The following TNK2 variants were observed in gnomAD, a reference collection of about 807,000 sequenced individuals.
TNK2 encodes the protein tyrosine kinase non receptor 2.
Under a neutral mutation model 101.8 loss-of-function variants are expected in TNK2, and 83 were observed. The observed-to-expected ratio is 0.82, with a 90% CI of 0.68 to 0.98. The LOEUF is 0.98. TNK2 is among the 50% of genes least tolerant of loss of function. The pLI, the probability that TNK2 is intolerant of heterozygous loss-of-function variation, is 0.00. For missense variants in TNK2, 1,665 were observed against 1,483.2 expected (o/e 1.12, Z -2.01); for synonymous variants, 804 against 633.0 (o/e 1.27, Z -4.06).
chr3:195,885,802 T>G lies in TNK2; in HGVS notation c.235-769A>C. ...CTGGCCACGTCGGTCTGACTCGGCC[T>G]CCACTGAGGCACCCACAGCCTTGGC... is the stretch of plus-strand genomic sequence containing the variant. On this transcript the variant is annotated intron_variant, in intron 3 of 15. Transcript: ENST00000672887. This position sits in a 1 kb window ranked among gnomAD's most constrained non-coding sequence, Gnocchi z 4.7. The G allele has an allele frequency of 2.9e-6, 1 of 341,324 alleles. No homozygotes were observed. The highest frequency in any genetic ancestry group is 2.2e-5 in the South Asian group (1 of 44,696). 21.1% of individuals were successfully genotyped at this position (341,324 alleles called of 1,614,324 possible). A position where few individuals can be genotyped will look rare whatever the true frequency, so the allele number is the denominator to read the frequency against.
At chr3:195,892,125 C>T in intron 1 of TNK2, 1 of 596,120 alleles carries the variant, frequency 1.7e-6, no homozygotes. Flanking sequence ...GCTGCAGCTC[C>T]TCCAGAGTTC....
chr3:195,868,443 G>T lies in TNK2; in HGVS notation c.1855C>A (p.Pro619Thr), dbSNP rs1323377600. The T allele has an allele frequency of 1.9e-6, 3 of 1,566,122 alleles. No homozygotes were observed. In the East Asian group the frequency reaches 6.8e-5, roughly 36 times the overall value. ...AGTGCCCGCGTGGGGCTCTGAGGCGGGGTCTCGTCCAGCAGGGAGCAGGCG... is the reference window on the plus strand; with the variant it reads ...AGTGCCCGCGTGGGGCTCTGAGGCGTGGTCTCGTCCAGCAGGGAGCAGGCG... ...MDACSLLDETPPQSPTRALPR... is the reference protein window; with the variant it reads ...MDACSLLDETTPQSPTRALPR... The change falls in exon 13 of 16, where the codon CCG (proline) becomes ACG (threonine). Residue 619 changes from proline to threonine, a missense_variant. Pro to Thr is a conservative substitution (Grantham distance 38, BLOSUM62 -1). Coordinates refer to ENST00000672887, the MANE Select transcript of TNK2 (RefSeq NM_001382273.1).
chr3:195,903,109 C>A (rs112897657), intron 1 of TNK2, among the ~76,000 whole-genome samples: 2 of 148,474 alleles, frequency 1.3e-5, no homozygotes, highest in East Asian at 4.1e-4. Context: ...GGCGCCATCT[C>A]GGCTTACTGC....
chr3:195,873,341 G>A (rs985081809), intron 9 of TNK2, among the ~76,000 whole-genome samples: 5 of 152,220 alleles, frequency 3.3e-5, no homozygotes, highest in South Asian at 2.1e-4. Flanking sequence ...CCTGACTCCC[G>A]AAGGCTCTCA....
intron 1 of TNK2, among the ~76,000 whole-genome samples, chr3:195,902,868 G>C (rs1440688990): frequency 2.0e-5 from 3 of 151,654 alleles, no homozygotes; most frequent in African/African-American, 7.3e-5. Context: ...TTGTGCCTCG[G>C]CCTCCCAAGT....
chr3:195,874,496 C>T (rs1009211051), intron 9 of TNK2, among the ~76,000 whole-genome samples: 10 of 151,340 alleles, frequency 6.6e-5, no homozygotes, highest in African/African-American at 2.4e-4. Flanking sequence ...AAGCTCCCCT[C>T]GGGATGGCGC....
intron 1 of TNK2, among the ~76,000 whole-genome samples, chr3:195,893,126 G>A (rs1388525463): frequency 6.6e-6 from 1 of 151,990 alleles, no homozygotes; most frequent in African/African-American, 2.4e-5. Context: ...CACACAGCCT[G>A]AGTGGGAGGC....
intron 15 of TNK2, among the ~76,000 whole-genome samples, chr3:195,864,485 C>T (rs1205145604): frequency 6.9e-6 from 1 of 144,806 alleles, no homozygotes; most frequent in Non-Finnish European, 1.5e-5. Context: ...ACAGGTGACA[C>T]GGAGTGCCTG....
chr3:195,883,390 C>A, intron 4 of TNK2, 81 bp from the exon 5 acceptor site: 1 of 1,542,876 alleles, frequency 6.5e-7, no homozygotes, highest in Non-Finnish European at 8.8e-7. Flanking sequence ...CCCTCCAACT[C>A]GGCTCAACGA....
rs759346611 is a variant in TNK2 at position 195,867,712 on chromosome 3, G to A, written c.2586C>T (p.Ile862=). ...GPRAGPCILP[I]VRDGKKVSST... ...TGCTGACCTTCTTGCCATCCCGGAC[G>A]ATGGGCAGGATGCAGGGACCAGCCC... Residue 862 remains isoleucine, a synonymous_variant, in exon 13 of 16, where the codon ATC becomes ATT. Transcript: ENST00000672887. 1.4e-5 allele frequency: 23 copies of A among 1,606,364 alleles called. No homozygotes were observed. Among genetic ancestry groups the A allele is most frequent in the East Asian group, 4.5e-5 (2 of 44,830 alleles).
chr3:195,884,704 A>T, intron 4 of TNK2, 108 bp downstream of exon 4: 2 of 1,004,292 alleles, frequency 2.0e-6, no homozygotes, highest in Non-Finnish European at 2.9e-6. Context: ...GATGAGCCAC[A>T]CTGTGACGCA....
In TNK2 at chr3:195,868,230, C is replaced by T; in HGVS notation, c.2068G>A (p.Glu690Lys). The T allele has an allele frequency of 6.2e-7, 1 of 1,606,212 alleles. No homozygotes were observed. The highest frequency in any genetic ancestry group is 8.5e-7 in the Non-Finnish European group (1 of 1,179,426). ...AGGGGAGGGGGCGGCCGCGCCTGCTCAGGCACAAAGGCGTAGTTGGTCTGG... is the reference window on the plus strand; with the variant it reads ...AGGGGAGGGGGCGGCCGCGCCTGCTTAGGCACAAAGGCGTAGTTGGTCTGG... ...QGQTNYAFVP[E>K]QARPPPPLED... is the part of the protein sequence containing the mutation. Residue 690 changes from glutamate (E) to lysine (K), a missense_variant, in exon 13 of 16, where the codon GAG (glutamate) becomes AAG (lysine). Physicochemically the swap from Glu to Lys is moderately conservative, Grantham distance 56 (BLOSUM62 1). Coordinates refer to ENST00000672887, the MANE Select transcript of TNK2 (RefSeq NM_001382273.1).
In TNK2 at chr3:195,895,760, G is replaced by A. The variant is rs552159152; in HGVS notation, c.-18-7154C>T. 8.9e-5 allele frequency: 27 copies of A among 302,336 alleles called. No individual in the cohort carries two copies. In the South Asian group the frequency reaches 3.1e-3, roughly 35 times the overall value. 18.7% of individuals were successfully genotyped at this position (302,336 alleles called of 1,614,324 possible). On this transcript the variant is annotated intron_variant, in intron 1 of 15. Transcript: ENST00000672887. ...CCGTATTCACGGTAAGGGGCCATCC[G>A]AGAAGCCCACAGCAGAGGGGCCTCC...
chr3:195,883,103 CAT>C, intron 5 of TNK2, 52 bp downstream of exon 5: 1 of 1,588,774 alleles, frequency 6.3e-7, no homozygotes, highest in East Asian at 2.2e-5. Context: ...CCGAACCACA[CAT>C]ATGGGACCGG....
intron 1 of TNK2, among the ~76,000 whole-genome samples, chr3:195,896,495 T>C (rs1377319275): frequency 1.3e-5 from 2 of 152,306 alleles, no homozygotes; most frequent in Non-Finnish European, 2.9e-5. Context: ...GCTTCTATGC[T>C]GTACAGAAGC....
Position 195,867,762 on chromosome 3 carries a change from G to C in TNK2, c.2536C>G (p.Gln846Glu). 1.3e-6 allele frequency: 2 copies of C among 1,587,980 alleles called. No homozygotes were observed. The highest frequency in any genetic ancestry group is 1.7e-6 in the Non-Finnish European group (2 of 1,168,842). The change falls in exon 13 of 16, where the codon CAG becomes GAG. Residue 846 changes from glutamine to glutamate, a missense_variant. Gln to Glu is a conservative substitution (Grantham distance 29, BLOSUM62 2). This residue lies in a region of TNK2 where 1,136 missense variants were observed against 894.9 expected (regional missense o/e 1.27). Transcript: ENST00000672887. ...FASDPKYATPQVIQAPGPRAG... is the reference protein window; with the variant it reads ...FASDPKYATPEVIQAPGPRAG... ...CGCGGGCCAGGGGCCTGGATCACCT[G>C]GGGGGTGGCGTACTTGGGGTCTGAG...
chr3:195,864,992 C>A (rs1739659551), intron 15 of TNK2, among the ~76,000 whole-genome samples: 1 of 135,788 alleles, frequency 7.4e-6, no homozygotes, highest in African/African-American at 2.8e-5. Context: ...GAGACAGCGA[C>A]AGACAGGTGA....
At chr3:195,897,016 C>A (rs1244251589) in intron 1 of TNK2, among the ~76,000 whole-genome samples, 3 of 152,206 alleles carry the variant, frequency 2.0e-5, no homozygotes, top group Non-Finnish European at 4.4e-5. Context: ...CCCAGCCCGC[C>A]CTCTCCCACC....
chr3:195,897,387 G>C (rs1019149198), intron 1 of TNK2, among the ~76,000 whole-genome samples: 2 of 152,226 alleles, frequency 1.3e-5, no homozygotes, highest in Non-Finnish European at 2.9e-5. Context: ...TCCAGGACAC[G>C]GGGGCCCACT....
Sources: gnomAD v4.1 joint callset for allele counts (sites outside exome capture counted in the v4.1 genomes callset) on GRCh38, gnomAD v4.1.1 for gene constraint, gnomAD v4.1.1 regional missense constraint, Gnocchi (gnomAD v3.1) non-coding constraint, MANE v1.5 for transcripts, NCBI Gene and HGNC (gene_info 2026-07-23, HGNC 2026-07-21) for gene names.